Variants in RBMS1 observed in about 807,000 individuals in gnomAD.
The protein encoded by RBMS1 is RNA binding motif single stranded interacting protein 1.
In RBMS1, 17 loss-of-function variants were observed where a neutral mutation model predicts 62.3. The observed-to-expected ratio is 0.27, with a 90% CI of 0.19 to 0.41. The LOEUF (loss-of-function observed/expected upper bound fraction) is 0.41, where lower values mean the gene tolerates loss of function less well. RBMS1 is among the 10% of genes least tolerant of loss of function. The pLI, the probability that RBMS1 is intolerant of heterozygous loss-of-function variation, is 1.00. For missense variants in RBMS1, 334 were observed against 504.5 expected, an observed-to-expected ratio of 0.66 and a Z score of 3.24; for synonymous variants, 172 against 170.0, an observed-to-expected ratio of 1.01 and a Z score of -0.09.
chr2:160,453,225 T>C (rs1684067577), intron 1 of RBMS1, among the ~76,000 whole-genome samples: 1 of 151,288 alleles, frequency 6.6e-6, no homozygotes, highest in South Asian at 2.1e-4. Flanking sequence ...AAAAAAAATA[T>C]GTGCAAAACC....
At chr2:160,444,951 C>T (rs1454649738) in intron 1 of RBMS1, among the ~76,000 whole-genome samples, 2 of 152,316 alleles carry the variant, frequency 1.3e-5, no homozygotes, top group Admixed American at 6.5e-5. Flanking sequence ...TGTGAAAAAA[C>T]AAATTTCTGC....
rs544537322 is a variant in RBMS1, at chr2:160,344,048, T to C, written c.251+23168A>G. On this transcript the variant is annotated intron_variant, in intron 2 of 13. Coordinates refer to ENST00000348849, the MANE Select transcript of RBMS1 (RefSeq NM_016836.4). ...TCACTGGTGTGCAAGATTAAAGATA[T>C]GAAAAGTAATTAGGAATCTGAACAA... 3.9e-5 allele frequency among the ~76,000 whole-genome samples: 6 copies of C among 152,252 alleles called. No homozygotes were observed. The South Asian group carries it at 6.2e-4, about 16-fold the overall frequency.
In RBMS1 at chr2:160,367,404, G is replaced by C; in HGVS notation, c.76-13C>G. ...GGACCAGAGACTGCTGGAAAACAAAGATCAGGAGCCTTAGTATGCTAGCAT... is the reference window on the plus strand; with the variant it reads ...GGACCAGAGACTGCTGGAAAACAAACATCAGGAGCCTTAGTATGCTAGCAT... On this transcript the variant is annotated splice_polypyrimidine_tract_variant and intron_variant, in intron 1 of 13. Transcript: ENST00000348849. 1.9e-6 allele frequency: 3 copies of C among 1,614,008 alleles called. No homozygotes were observed. The highest frequency in any genetic ancestry group is 2.5e-6 in the Non-Finnish European group (3 of 1,179,926).
chr2:160,324,882 G>GTGTGTATATA (rs1206910746), intron 2 of RBMS1, among the ~76,000 whole-genome samples: 10 of 100,010 alleles, frequency 1.0e-4, no homozygotes, highest in Admixed American at 2.1e-4. Context: ...GTGTGTGTGT[G>GTGTGTATATA]TATATATATA....
intron 1 of RBMS1, among the ~76,000 whole-genome samples, chr2:160,472,294 C>T (rs992610903): frequency 6.6e-6 from 1 of 152,050 alleles, no homozygotes; most frequent in Non-Finnish European, 1.5e-5. Context: ...AAACCCAATA[C>T]CTACATTAAA....
intron 2 of RBMS1, among the ~76,000 whole-genome samples, chr2:160,364,694 TC>T (rs1484592664): frequency 1.3e-5 from 2 of 152,218 alleles, no homozygotes; most frequent in African/African-American, 4.8e-5. Flanking sequence ...TGTTTTCCTC[TC>T]TAGTTTTTAA....
intron 2 of RBMS1, among the ~76,000 whole-genome samples, chr2:160,356,293 C>T (rs151235653): frequency 6.6e-6 from 1 of 152,212 alleles, no homozygotes; most frequent in Non-Finnish European, 1.5e-5. Context: ...TATCCTCCTG[C>T]CTTTATTTTG....
intron 1 of RBMS1, among the ~76,000 whole-genome samples, chr2:160,375,124 G>C (rs1693929340): frequency 6.6e-6 from 1 of 152,152 alleles, no homozygotes; most frequent in African/African-American, 2.4e-5. Flanking sequence ...TCTGGATAGT[G>C]CTGGACAGTG....
intron 1 of RBMS1, among the ~76,000 whole-genome samples, chr2:160,381,054 C>T (rs1694261561): frequency 6.6e-6 from 1 of 152,128 alleles, no homozygotes; most frequent in South Asian, 2.1e-4. Context: ...GAGAGGTTAT[C>T]TCATTCTGCT....
Position 160,278,625 on chromosome 2 carries a change from T to C in RBMS1, c.985A>G (p.Met329Val). 1.2e-6 allele frequency: 2 copies of C among 1,613,564 alleles called. No individual in the cohort carries two copies. The change falls in exon 11 of 14, where the codon ATG (methionine) becomes GTG (valine). Residue 329 changes from methionine to valine, a missense_variant. By Grantham distance (21) the Met-to-Val change is conservative. This residue lies in a region of RBMS1 where 182 missense variants were observed against 257.7 expected (regional missense o/e 0.71). Coordinates refer to ENST00000348849, the MANE Select transcript of RBMS1 (RefSeq NM_016836.4). Reference sequence around the variant, plus strand: ...ATCATTGATGCGGGCTGTAGTGACATGGTGTGCTCCATTGAGGGAGTTAAC... The same window carrying C: ...ATCATTGATGCGGGCTGTAGTGACACGGTGTGCTCCATTGAGGGAGTTAAC... ...AVLTPSMEHT[M>V]SLQPASMISP...
chr2:160,386,193 C>T (rs1694564184), intron 1 of RBMS1, among the ~76,000 whole-genome samples: 1 of 152,152 alleles, frequency 6.6e-6, no homozygotes, highest in African/African-American at 2.4e-5. Flanking sequence ...ATGTTTATGT[C>T]CTCCTAAAGT....
intron 5 of RBMS1, 22 bp downstream of exon 5, chr2:160,303,308 A>G (rs761127042): frequency 1.3e-6 from 2 of 1,565,388 alleles, no homozygotes; most frequent in Non-Finnish European, 1.7e-6. Flanking sequence ...TTGACATAAT[A>G]AAGACTGGGC....
intron 1 of RBMS1, among the ~76,000 whole-genome samples, chr2:160,382,730 G>T (rs1367083667): frequency 6.6e-6 from 1 of 152,142 alleles, no homozygotes; most frequent in African/African-American, 2.4e-5. Context: ...TTAGAGAAGT[G>T]TGAGAGAGTT....
In RBMS1 at chr2:160,355,260, A is replaced by C. The variant is rs375147675; in HGVS notation, c.251+11956T>G. ...CAGAACACCTGTTTCAGCTGACAGAATGTTTAATTACTAGTCTCTCTTCTG... is the reference window on the plus strand; with the variant it reads ...CAGAACACCTGTTTCAGCTGACAGACTGTTTAATTACTAGTCTCTCTTCTG... On this transcript the variant is annotated intron_variant, in intron 2 of 13. Coordinates refer to ENST00000348849, the MANE Select transcript of RBMS1 (RefSeq NM_016836.4). Among the ~76,000 whole-genome samples, 89 of 152,214 alleles carry C rather than the reference A, an allele frequency of 5.8e-4. 1 individual carries two copies. The South Asian group carries it at 0.017, about 30-fold the overall frequency.
In RBMS1 at chr2:160,493,759, A is replaced by C; in HGVS notation, c.-396T>G. On this transcript the variant is annotated 5_prime_UTR_variant, in exon 1 of 14. Coordinates refer to ENST00000348849, the MANE Select transcript of RBMS1 (RefSeq NM_016836.4). ...CGCGGGGCTGAGAGGTGATCAATAC[A>C]AGTGGAAAGTGCGGCAGCGGCGGCT... 25 of 190,926 alleles carry C rather than the reference A, an allele frequency of 1.3e-4. No individual in the cohort carries two copies. The highest frequency in any genetic ancestry group is 4.9e-4 in the East Asian group (3 of 6,182). 11.8% of individuals were successfully genotyped at this position (190,926 alleles called of 1,614,324 possible).
chr2:160,296,485 A>T (rs4480947), intron 6 of RBMS1, among the ~76,000 whole-genome samples: 151,968 of 152,342 alleles, frequency 1, 75,798 homozygotes, highest in Middle Eastern at 1. Context: ...CTAATGGTAA[A>T]CATCAGTCAT....
intron 1 of RBMS1, among the ~76,000 whole-genome samples, chr2:160,459,699 A>C (rs1684385469): frequency 2.0e-5 from 3 of 152,296 alleles, no homozygotes; most frequent in South Asian, 4.1e-4. Context: ...GTTCTCAATA[A>C]ATAATTTACT....
chr2:160,287,375 CCCTCT>C (rs1688455878), intron 6 of RBMS1, among the ~76,000 whole-genome samples: 1 of 152,094 alleles, frequency 6.6e-6, no homozygotes, highest in Non-Finnish European at 1.5e-5. Flanking sequence ...TGGTTTTGGG[CCCTCT>C]CCAATTCCAC....
At chr2:160,491,119 A>G (rs1441902936) in intron 1 of RBMS1, among the ~76,000 whole-genome samples, 2 of 152,214 alleles carry the variant, frequency 1.3e-5, no homozygotes, top group Non-Finnish European at 2.9e-5. Flanking sequence ...AGAAAAAAAA[A>G]AGGGCTGCCT....
Sources: allele counts gnomAD v4.1 joint callset (sites outside exome capture counted in the v4.1 genomes callset), GRCh38; gene constraint gnomAD v4.1.1; regional missense constraint gnomAD v4.1.1; transcripts MANE v1.5; gene names NCBI Gene and HGNC (gene_info 2026-07-23, HGNC 2026-07-21).